TCERG1L: variants seen among roughly 807,000 people sequenced by gnomAD.
The protein encoded by TCERG1L is transcription elongation regulator 1 like, also known as transcription elongation regulator 1-like protein.
Under a neutral mutation model 56.3 loss-of-function variants are expected in TCERG1L, and 37 were observed. The ratio of observed to expected loss-of-function variants is 0.66; its 90% CI spans 0.51 to 0.87. The LOEUF is 0.87. Among genes scored for constraint, TCERG1L ranks in the 40% least tolerant of loss-of-function variants. TCERG1L has a pLI of 0.00. For synonymous variants in TCERG1L, 324 were observed against 326.3 expected, an observed-to-expected ratio of 0.99 and a Z score of 0.08; for missense variants, 799 against 774.2, an observed-to-expected ratio of 1.03 and a Z score of -0.38.
chr10:131,210,270 C>T (rs1394146762), intron 4 of TCERG1L, among the ~76,000 whole-genome samples: 1 of 152,226 alleles, frequency 6.6e-6, no homozygotes, highest in Non-Finnish European at 1.5e-5. Flanking sequence ...GTCGCCCAGC[C>T]TTGCAGACAG....
At chr10:131,219,385 C>A (rs1470568320) in intron 4 of TCERG1L, among the ~76,000 whole-genome samples, 1 of 152,246 alleles carries the variant, frequency 6.6e-6, no homozygotes, top group Non-Finnish European at 1.5e-5. Flanking sequence ...ACCCCAGGAC[C>A]GCCAGCGGCT....
chr10:131,170,988 A>C (rs1427403796), intron 4 of TCERG1L, among the ~76,000 whole-genome samples: 1 of 152,150 alleles, frequency 6.6e-6, no homozygotes, highest in African/African-American at 2.4e-5. Context: ...TCTACTAAAA[A>C]TACAAAAATT....
chr10:131,290,556 A>G (rs1370869), intron 3 of TCERG1L, among the ~76,000 whole-genome samples: 113,931 of 150,078 alleles, frequency 0.76, 43,778 homozygotes, highest in Non-Finnish European at 0.82. Flanking sequence ...GCTTGAACCC[A>G]CGAGGCGGAG....
At chr10:131,174,469 G>A (rs1418708654) in intron 4 of TCERG1L, among the ~76,000 whole-genome samples, 2 of 152,066 alleles carry the variant, frequency 1.3e-5, no homozygotes, top group Non-Finnish European at 2.9e-5. Context: ...GGCTCCAGAG[G>A]TCCCCTGGTC....
intron 6 of TCERG1L, among the ~76,000 whole-genome samples, chr10:131,147,322 A>C (rs528348476): frequency 6.6e-6 from 1 of 152,344 alleles, no homozygotes; most frequent in African/African-American, 2.4e-5. Context: ...AAAAGAAAAA[A>C]AAATGAAGAG....
At chr10:131,150,422 C>T (rs7094311) in intron 6 of TCERG1L, among the ~76,000 whole-genome samples, 125,153 of 152,196 alleles carry the variant, frequency 0.82, 52,960 homozygotes, top group South Asian at 0.93. Flanking sequence ...AACAGGGCCA[C>T]GGGAGAATTA....
At chr10:131,199,851 C>T (rs968412474) in intron 4 of TCERG1L, among the ~76,000 whole-genome samples, 4 of 152,220 alleles carry the variant, frequency 2.6e-5, no homozygotes, top group East Asian at 3.9e-4. Flanking sequence ...CGTTCTCTTT[C>T]GCCTTTAAAC....
chr10:131,203,884 G>A (rs1845484035), intron 4 of TCERG1L, among the ~76,000 whole-genome samples: 1 of 152,226 alleles, frequency 6.6e-6, no homozygotes, highest in Non-Finnish European at 1.5e-5. Flanking sequence ...CCGCAACCCA[G>A]CTGGGAGGGG....
In TCERG1L at chr10:131,111,575, G is replaced by A. The variant is rs745443489; in HGVS notation, c.1395+5224C>T. ...CCTTCTGGCTTTTATGAGTGCAAAC[G>A]TCCTAAGGAAGGAAGCAATCTGTCA... is the stretch of plus-strand genomic sequence containing the variant. On this transcript the variant is annotated intron_variant, in intron 9 of 11. Coordinates refer to ENST00000368642, the MANE Select transcript of TCERG1L (RefSeq NM_174937.4). Among the ~76,000 whole-genome samples the A allele has an allele frequency of 1.1e-4, 15 of 142,638 alleles. 3 individuals are homozygous for A. Among genetic ancestry groups the A allele is most frequent in the East Asian group, 7.1e-4 (3 of 4,224 alleles). 93.6% of individuals were successfully genotyped at this position (142,638 alleles called of 152,430 possible).
chr10:131,284,414 T>C (rs1438297246), intron 3 of TCERG1L, among the ~76,000 whole-genome samples: 2 of 151,948 alleles, frequency 1.3e-5, no homozygotes, highest in Non-Finnish European at 2.9e-5. Flanking sequence ...AAAATTGTAT[T>C]AAAGAGAAAG....
chr10:131,221,857 T>C (rs540933901), intron 4 of TCERG1L, among the ~76,000 whole-genome samples: 2 of 152,260 alleles, frequency 1.3e-5, no homozygotes, highest in South Asian at 2.1e-4. Context: ...ACGTTGGGAG[T>C]ACCTTCCCGC....
intron 4 of TCERG1L, among the ~76,000 whole-genome samples, chr10:131,175,631 A>C (rs1340429280): frequency 6.6e-6 from 1 of 152,254 alleles, no homozygotes; most frequent in Non-Finnish European, 1.5e-5. Context: ...AATTACGCTC[A>C]AAGTTCTCAT....
chr10:131,272,803 G>A (rs758376518), intron 3 of TCERG1L, among the ~76,000 whole-genome samples: 4 of 152,190 alleles, frequency 2.6e-5, no homozygotes, highest in Non-Finnish European at 5.9e-5. Context: ...GGCATGAGCC[G>A]TCACCTCAGC....
At chr10:131,209,051 C>G (rs1845584747) in intron 4 of TCERG1L, among the ~76,000 whole-genome samples, 1 of 77,788 alleles carries the variant, frequency 1.3e-5, no homozygotes, top group African/African-American at 3.9e-5. Flanking sequence ...GAGCGAGACT[C>G]TGTCTCAAAA....
rs769029390 is a variant in TCERG1L at position 131,131,033 on chromosome 10, C to A, written c.1259+3346G>T. 2.6e-5 allele frequency among the ~76,000 whole-genome samples: 4 copies of A among 152,312 alleles called. No homozygotes were observed. The East Asian group carries it at 7.7e-4, about 29-fold the overall frequency. On this transcript the variant is annotated intron_variant, in intron 8 of 11. Transcript: ENST00000368642. ...GGTGGGGCATTCCCGTGAGCACCCA[C>A]GCAAGCTACACTGTGCATTTCACAA...
At chr10:131,241,082 C>T (rs963152015) in intron 4 of TCERG1L, among the ~76,000 whole-genome samples, 1 of 152,134 alleles carries the variant, frequency 6.6e-6, no homozygotes, top group South Asian at 2.1e-4. Flanking sequence ...GAAGAGCTCA[C>T]CCCGGAGATG....
At chr10:131,268,339 G>T (rs1317872863) in intron 3 of TCERG1L, among the ~76,000 whole-genome samples, 1 of 152,236 alleles carries the variant, frequency 6.6e-6, no homozygotes, top group South Asian at 2.1e-4. Flanking sequence ...AACCATGCTA[G>T]AAACAGATGT....
chr10:131,266,086 TACA>T (rs1459815484), intron 3 of TCERG1L, among the ~76,000 whole-genome samples: 15 of 152,386 alleles, frequency 9.8e-5, no homozygotes, highest in Admixed American at 9.8e-4. Flanking sequence ...CAACAATGTT[TACA>T]ACATCTTCAC....
At chr10:131,304,910 T>G (rs1846804493) in intron 3 of TCERG1L, among the ~76,000 whole-genome samples, 1 of 151,990 alleles carries the variant, frequency 6.6e-6, no homozygotes, top group South Asian at 2.1e-4. Flanking sequence ...TGATGGGACT[T>G]GTTTGAAGAG....
Sources: gnomAD v4.1 joint callset for allele counts (sites outside exome capture counted in the v4.1 genomes callset) on GRCh38, gnomAD v4.1.1 for gene constraint, MANE v1.5 for transcripts, NCBI Gene and HGNC (gene_info 2026-07-23, HGNC 2026-07-21) for gene names.